DDX19B: variants seen among roughly 807,000 people sequenced by gnomAD.
The protein encoded by DDX19B is DEAD-box helicase 19B.
A neutral mutation model predicts 58.1 loss-of-function variants in DDX19B; 27 were observed. The observed-to-expected ratio is 0.46, with a 90% CI of 0.34 to 0.64. DDX19B has a LOEUF of 0.64. Ranked by LOEUF, DDX19B falls within the 30% of genes least tolerant of loss-of-function variation. The pLI, the probability that DDX19B is intolerant of heterozygous loss-of-function variation, is 0.01. For synonymous variants in DDX19B, 187 were observed against 214.4 expected, an observed-to-expected ratio of 0.87 and a Z score of 1.12; for missense variants, 399 against 596.5, an observed-to-expected ratio of 0.67 and a Z score of 3.45.
intron 1 of DDX19B, among the ~76,000 whole-genome samples, chr16:70,305,058 C>T (rs1020624644): frequency 2.6e-5 from 4 of 152,154 alleles, no homozygotes; most frequent in African/African-American, 9.7e-5. Context: ...GTAATCCTTG[C>T]TTGGCCACTC....
chr16:70,305,152 A>G (rs1961690751), intron 1 of DDX19B, among the ~76,000 whole-genome samples: 1 of 152,158 alleles, frequency 6.6e-6, no homozygotes, highest in African/African-American at 2.4e-5. Flanking sequence ...TTAACTATAT[A>G]TCTTTAGTGG....
intron 7 of DDX19B, among the ~76,000 whole-genome samples, chr16:70,328,196 C>A (rs909453008): frequency 1.3e-5 from 2 of 151,656 alleles, no homozygotes; most frequent in Admixed American, 6.6e-5. Context: ...TTTTATGGAT[C>A]TCTGAAACAA....
rs746374309 is a variant in DDX19B at position 70,316,067 on chromosome 16, C to G, written c.259C>G (p.Pro87Ala). 1 of 1,614,104 alleles carries G rather than the reference C, an allele frequency of 6.2e-7. No homozygotes were observed. Reference protein sequence around the residue: ...VEVLQRDPNSPLYSVKSFEEL... With the variant: ...VEVLQRDPNSALYSVKSFEEL... ...AGTCCTGCAGCGGGATCCAAACTCC[C>G]CTCTGTACTCGGTGAAGTCTTTTGA... The change falls in exon 4 of 12, where the codon CCT becomes GCT. Residue 87 changes from proline to alanine, a missense_variant. By Grantham distance (27) the Pro-to-Ala change is conservative. Around this residue, in one of 4 missense-constraint regions of DDX19B, gnomAD observed 132 missense variants for 159.4 expected, o/e 0.83. Transcript: ENST00000288071.
In DDX19B at chr16:70,299,343, G is replaced by GCGGCTGAGT. The variant is rs1567620887; in HGVS notation, c.50_57+1dup. ...CCTGGCGGTGGACGAGCAGGAAGCT[G>GCGGCTGAGT]CGGCTGAGTCGGTGAGTTGGCTTCA... is the stretch of plus-strand genomic sequence containing the variant. On this transcript the variant is annotated inframe_insertion, in exon 1 of 12. Transcript: ENST00000288071. 6.2e-7 allele frequency: 1 copy of GCGGCTGAGT among 1,609,144 alleles called. No individual in the cohort carries two copies. The highest frequency in any genetic ancestry group is 1.7e-5 in the Admixed American group (1 of 59,278).
At chr16:70,325,886 A>G (rs1414475728) in intron 7 of DDX19B, among the ~76,000 whole-genome samples, 198 bp downstream of exon 7, 4 of 152,230 alleles carry the variant, frequency 2.6e-5, no homozygotes, top group Non-Finnish European at 4.4e-5. Flanking sequence ...TAAACTGCAG[A>G]CATGCACCTC....
At chr16:70,312,501 T>G in intron 1 of DDX19B, 108 bp from the exon 2 acceptor site, 2 of 968,564 alleles carry the variant, frequency 2.1e-6, no homozygotes, top group Non-Finnish European at 3.2e-6. Context: ...GAATATACCT[T>G]GAGAATGGCT....
intron 7 of DDX19B, among the ~76,000 whole-genome samples, chr16:70,326,209 C>T (rs2152210245): frequency 6.6e-6 from 1 of 152,342 alleles, no homozygotes; most frequent in South Asian, 2.1e-4. Context: ...CGCGGTGGCT[C>T]ACGCCTGTAA....
intron 5 of DDX19B, among the ~76,000 whole-genome samples, chr16:70,323,347 T>C (rs1034686533): frequency 1.3e-5 from 2 of 151,976 alleles, no homozygotes; most frequent in Non-Finnish European, 2.9e-5. Flanking sequence ...GCTCAAGAAA[T>C]CACCCACCTC....
chr16:70,314,604 T>C (rs1387471446), intron 2 of DDX19B, among the ~76,000 whole-genome samples: 2 of 151,528 alleles, frequency 1.3e-5, no homozygotes, highest in Non-Finnish European at 2.9e-5. Context: ...GCAGAGCTTG[T>C]AGTGAGTTGA....
At chr16:70,314,717 C>A in intron 2 of DDX19B, 185 bp from the exon 3 acceptor site, 1 of 528,640 alleles carries the variant, frequency 1.9e-6, no homozygotes. Flanking sequence ...TATATGTGAG[C>A]AACAGTGTTT....
intron 6 of DDX19B, among the ~76,000 whole-genome samples, chr16:70,325,042 ACT>A (rs1212171556): frequency 2.0e-5 from 3 of 152,084 alleles, no homozygotes; most frequent in Admixed American, 1.3e-4. Context: ...AAAGAACGAA[ACT>A]CTGTCTCAAA....
upstream of DDX19B, among the ~76,000 whole-genome samples, chr16:70,290,434 A>G (rs1961030554): frequency 6.6e-6 from 1 of 152,074 alleles, no homozygotes; most frequent in Non-Finnish European, 1.5e-5. Context: ...GGCTGAGGCA[A>G]GGGAATCCCT....
chr16:70,300,209 C>T (rs1307791930), intron 1 of DDX19B, among the ~76,000 whole-genome samples: 7 of 146,162 alleles, frequency 4.8e-5, no homozygotes, highest in Non-Finnish European at 7.4e-5. Flanking sequence ...AGAGGCAACT[C>T]CTTTTTTTTT....
At chr16:70,317,708 C>A in intron 5 of DDX19B, 120 bp downstream of exon 5, 6 of 764,180 alleles carry the variant, frequency 7.9e-6, no homozygotes, top group Non-Finnish European at 1.2e-5. Context: ...AGAGGCAAGG[C>A]AGGAGGATCG....
intron 1 of DDX19B, among the ~76,000 whole-genome samples, chr16:70,306,146 T>C (rs895106530): frequency 3.3e-5 from 5 of 151,728 alleles, no homozygotes; most frequent in African/African-American, 1.2e-4. Flanking sequence ...GTTGTTGTTG[T>C]TGTTTGTTGT....
At chr16:70,317,738 G>C in intron 5 of DDX19B, 150 bp downstream of exon 5, 2 of 514,712 alleles carry the variant, frequency 3.9e-6, no homozygotes, top group South Asian at 2.8e-5. Flanking sequence ...AGGAGTTCAA[G>C]ACCAGCCTGG....
Position 70,313,894 on chromosome 16 carries a change from A to G in DDX19B, c.107-1008A>G, listed in dbSNP as rs111417351. Among the ~76,000 whole-genome samples, 1,226 of 152,012 alleles carry G rather than the reference A, an allele frequency of 8.1e-3. 12 individuals are homozygous for G. Among genetic ancestry groups the G allele is most frequent in the Non-Finnish European group, 0.014 (928 of 67,950 alleles). ...GAAGCCAAGGCTGGCGGATAACCTG[A>G]GGTCAGGAGTTTGAAACCAGCCTGA... On this transcript the variant is annotated intron_variant, in intron 2 of 11. Coordinates refer to ENST00000288071, the MANE Select transcript of DDX19B (RefSeq NM_007242.7).
Position 70,333,764 on chromosome 16 carries a change from G to GA in DDX19B, c.*189dup, listed in dbSNP as rs1002328718. 8.1e-6 allele frequency: 7 copies of GA among 859,000 alleles called. No individual in the cohort carries two copies. Among genetic ancestry groups the GA allele is most frequent in the South Asian group, 3.4e-5 (2 of 59,370 alleles). 53.2% of individuals were successfully genotyped at this position (859,000 alleles called of 1,614,324 possible). ...TGTATGCAAATGATGGGGGATGGTA[G>GA]AAAAAAATTATTTACACAACCTTGG... On this transcript the variant is annotated 3_prime_UTR_variant, in exon 12 of 12. Transcript: ENST00000288071.
At chr16:70,303,378 G>A (rs553360033) in intron 1 of DDX19B, among the ~76,000 whole-genome samples, 2 of 152,214 alleles carry the variant, frequency 1.3e-5, no homozygotes, top group African/African-American at 4.8e-5. Context: ...GGAACACCTG[G>A]GTTCAAGCAA....
Sources: allele counts gnomAD v4.1 joint callset (sites outside exome capture counted in the v4.1 genomes callset), GRCh38; gene constraint gnomAD v4.1.1; regional missense constraint gnomAD v4.1.1; transcripts MANE v1.5; gene names NCBI Gene and HGNC (gene_info 2026-07-23, HGNC 2026-07-21).